GABRG3: variants seen among roughly 807,000 people sequenced by gnomAD.
GABRG3 encodes gamma-aminobutyric acid type A receptor subunit gamma3, also known as gamma-aminobutyric acid receptor subunit gamma-3.
GABRG3 carries 25 observed loss-of-function variants against 48.8 expected under a neutral mutation model. The observed-to-expected ratio is 0.51, with a 90% CI of 0.37 to 0.72. The LOEUF (loss-of-function observed/expected upper bound fraction) is 0.72. Ranked by LOEUF, GABRG3 falls within the 30% of genes least tolerant of loss-of-function variation. The probability of loss-of-function intolerance (pLI) is 0.00; values close to 1 mark genes in which losing one functional copy is unlikely to be tolerated. For missense variants in GABRG3, 394 were observed against 577.9 expected (o/e 0.68, Z 3.26); for synonymous variants, 227 against 217.6 (o/e 1.04, Z -0.38).
chr15:27,251,822 AG>A (rs1448238285), intron 3 of GABRG3, among the ~76,000 whole-genome samples: 1 of 152,164 alleles, frequency 6.6e-6, no homozygotes, highest in Non-Finnish European at 1.5e-5. Flanking sequence ...GCCAGGACAG[AG>A]GGGGCTGGAG....
At chr15:27,306,802 A>G (rs1460038632) in intron 3 of GABRG3, among the ~76,000 whole-genome samples, 1 of 97,026 alleles carries the variant, frequency 1.0e-5, no homozygotes, top group African/African-American at 4.6e-5. Flanking sequence ...TAAACATACA[A>G]TATAAACATG....
At chr15:27,071,982 G>A (rs1037128757) in intron 3 of GABRG3, among the ~76,000 whole-genome samples, 7 of 152,180 alleles carry the variant, frequency 4.6e-5, no homozygotes, top group Non-Finnish European at 8.8e-5. Flanking sequence ...AAATCAGGAC[G>A]GTATTTAAGC....
chr15:26,987,759 G>C (rs1016036737), intron 2 of GABRG3, among the ~76,000 whole-genome samples: 1 of 152,156 alleles, frequency 6.6e-6, no homozygotes, highest in Non-Finnish European at 1.5e-5. Flanking sequence ...GGAAGACGAA[G>C]GCATTGATTT....
intron 5 of GABRG3, among the ~76,000 whole-genome samples, chr15:27,336,081 T>C (rs113013034): frequency 0.15 from 22,099 of 151,750 alleles, 3,305 homozygotes; most frequent in African/African-American, 0.39. Context: ...CCCAGCTACT[T>C]GGAAGGCTGA....
intron 5 of GABRG3, among the ~76,000 whole-genome samples, chr15:27,380,649 C>T (rs1895737291): frequency 1.3e-5 from 2 of 151,918 alleles, no homozygotes; most frequent in Non-Finnish European, 2.9e-5. Context: ...TTTGGATTTC[C>T]CTAGAGAGTT....
In GABRG3 at chr15:27,280,703, G is replaced by C. The variant is rs946818862; in HGVS notation, c.271-46106G>C. On this transcript the variant is annotated intron_variant, in intron 3 of 9. Coordinates refer to ENST00000615808, the MANE Select transcript of GABRG3 (RefSeq NM_033223.5). ...TTAGGATCAGAAAACAAACTGTATG[G>C]TTTCAATTCTTTTAAATTTGTTGAG... 3.2e-4 allele frequency among the ~76,000 whole-genome samples: 49 copies of C among 152,198 alleles called. No homozygotes were observed. The East Asian group carries it at 7.7e-3, about 24-fold the overall frequency.
intron 6 of GABRG3, among the ~76,000 whole-genome samples, chr15:27,490,039 A>G (rs1436327578): frequency 6.6e-6 from 1 of 152,060 alleles, no homozygotes; most frequent in Non-Finnish European, 1.5e-5. Flanking sequence ...ATCTTGAGTT[A>G]ATTCTTGTTA....
chr15:27,421,278 A>G (rs897781786), intron 5 of GABRG3, among the ~76,000 whole-genome samples: 3 of 152,242 alleles, frequency 2.0e-5, no homozygotes, highest in Non-Finnish European at 4.4e-5. Flanking sequence ...ATAATGAGTT[A>G]CTATTTATAT....
chr15:27,323,372 A>AG (rs1398547845), intron 3 of GABRG3, among the ~76,000 whole-genome samples: 1 of 152,176 alleles, frequency 6.6e-6, no homozygotes, highest in Non-Finnish European at 1.5e-5. Context: ...GACATTATTG[A>AG]TCGCATTGGC....
chr15:27,127,612 C>T (rs529774849), intron 3 of GABRG3, among the ~76,000 whole-genome samples: 13 of 152,218 alleles, frequency 8.5e-5, no homozygotes, highest in South Asian at 2.1e-4. Context: ...AAGATACCAA[C>T]GAACAGAATG....
At chr15:27,246,274 A>T (rs1405738723) in intron 3 of GABRG3, among the ~76,000 whole-genome samples, 1 of 152,134 alleles carries the variant, frequency 6.6e-6, no homozygotes, top group East Asian at 1.9e-4. Flanking sequence ...ATAAATGTAA[A>T]TATATTTAGG....
intron 5 of GABRG3, among the ~76,000 whole-genome samples, chr15:27,437,247 T>A (rs1310737827): frequency 6.6e-6 from 1 of 152,218 alleles, no homozygotes; most frequent in Non-Finnish European, 1.5e-5. Context: ...CTCACATGAT[T>A]CAATTTATTT....
intron 5 of GABRG3, among the ~76,000 whole-genome samples, chr15:27,388,371 A>AGGAAGGAAGGAAAGGAGGGAGGGAGG (rs1295041336): frequency 2.5e-5 from 3 of 118,492 alleles, no homozygotes; most frequent in African/African-American, 1.0e-4. Context: ...GAAGGAAGAA[A>AGGAAGGAAGGAAAGGAGGGAGGGAGG]GGAAGGAAGG....
At chr15:27,304,067 T>G (rs941915756) in intron 3 of GABRG3, among the ~76,000 whole-genome samples, 4 of 151,866 alleles carry the variant, frequency 2.6e-5, no homozygotes, top group African/African-American at 9.7e-5. Flanking sequence ...CGCAGCAAAC[T>G]AGAGTAGAAC....
chr15:27,366,737 C>T (rs1011808736), intron 5 of GABRG3, among the ~76,000 whole-genome samples: 1 of 152,166 alleles, frequency 6.6e-6, no homozygotes, highest in African/African-American at 2.4e-5. Context: ...TCATCATAAG[C>T]TCCTCCTACA....
intron 3 of GABRG3, among the ~76,000 whole-genome samples, chr15:27,242,327 T>A (rs1252778123): frequency 6.6e-6 from 1 of 152,106 alleles, no homozygotes; most frequent in Non-Finnish European, 1.5e-5. Flanking sequence ...CAACCAGGTG[T>A]CTCTACCATG....
chr15:27,312,886 A>G (rs1893043321), intron 3 of GABRG3, among the ~76,000 whole-genome samples: 1 of 151,964 alleles, frequency 6.6e-6, no homozygotes, highest in African/African-American at 2.4e-5. Flanking sequence ...AATTGTAATA[A>G]TGGTAGGTAA....
chr15:27,334,668 G>A (rs369604954), intron 5 of GABRG3, among the ~76,000 whole-genome samples: 1 of 151,888 alleles, frequency 6.6e-6, no homozygotes, highest in African/African-American at 2.4e-5. Flanking sequence ...CAAACAACAA[G>A]TAAATGATTT....
intron 2 of GABRG3, among the ~76,000 whole-genome samples, chr15:26,984,086 C>T (rs184773764): frequency 2.2e-4 from 34 of 152,242 alleles, no homozygotes; most frequent in Non-Finnish European, 3.8e-4. Context: ...TTTCTTCTAG[C>T]ATCAGTTTTT....
Sources: gnomAD v4.1 joint callset for allele counts (sites outside exome capture counted in the v4.1 genomes callset) on GRCh38, gnomAD v4.1.1 for gene constraint, MANE v1.5 for transcripts, NCBI Gene and HGNC (gene_info 2026-07-23, HGNC 2026-07-21) for gene names.